The following HSD17B2 variants were observed in gnomAD, a reference collection of about 807,000 sequenced individuals.
HSD17B2 encodes the protein hydroxysteroid 17-beta dehydrogenase 2, also known as 17-beta-hydroxysteroid dehydrogenase type 2.
In HSD17B2, 32 loss-of-function variants were observed where a neutral mutation model predicts 26.9. The ratio of observed to expected loss-of-function variants is 1.19; its 90% CI spans 0.90 to 1.60. The LOEUF is 1.60. HSD17B2 is among the 40% of genes most tolerant of loss of function. The probability of loss-of-function intolerance (pLI) is 0.00; values close to 1 mark genes in which losing one functional copy is unlikely to be tolerated. For synonymous variants in HSD17B2, 246 were observed against 186.7 expected, an observed-to-expected ratio of 1.32 and a Z score of -2.59; for missense variants, 613 against 468.6, an observed-to-expected ratio of 1.31 and a Z score of -2.85.
intron 4 of HSD17B2, chr16:82,094,371 A>G (rs1459434879): frequency 6.6e-6 from 1 of 152,208 alleles, no homozygotes; most frequent in African/African-American, 2.4e-5. Flanking sequence ...CTTTCTATGT[A>G]TACTCCAATC....
At chr16:82,043,592 G>C (rs1031137575) in intron 1 of HSD17B2, among the ~76,000 whole-genome samples, 3 of 135,374 alleles carry the variant, frequency 2.2e-5, no homozygotes, top group Non-Finnish European at 4.5e-5. Context: ...GCTGAGGCAG[G>C]AGAATGGCGT....
At chr16:82,097,999 CA>C (rs1904903435) in intron 4 of HSD17B2, 75 bp from the exon 5 acceptor site, 1 of 1,471,692 alleles carries the variant, frequency 6.8e-7, no homozygotes, top group South Asian at 1.3e-5. Flanking sequence ...CCATCCTTCC[CA>C]ACAGAGACAA....
Position 82,072,216 on chromosome 16 carries a change from G to C in HSD17B2, c.664+1089G>C, listed in dbSNP as rs1056284824. Among the ~76,000 whole-genome samples, 4 of 152,154 alleles carry C rather than the reference G, an allele frequency of 2.6e-5. No homozygotes were observed. In the East Asian group the frequency reaches 5.8e-4, roughly 22 times the overall value. On this transcript the variant is annotated intron_variant, in intron 3 of 4. Transcript: ENST00000199936. ...ATAAACAAAGAAGAAGGTAGGGAGA[G>C]AGAGAGAGAGAGAAAGAGTTGGGGG... is the stretch of plus-strand genomic sequence containing the variant.
intron 3 of HSD17B2, among the ~76,000 whole-genome samples, chr16:82,078,289 C>T (rs1013009807): frequency 2.0e-5 from 3 of 152,126 alleles, no homozygotes; most frequent in African/African-American, 7.2e-5. Flanking sequence ...AAAATGTGCT[C>T]AATATCATTG....
chr16:82,064,354 T>C (rs1914521676), intron 1 of HSD17B2, among the ~76,000 whole-genome samples: 1 of 152,256 alleles, frequency 6.6e-6, no homozygotes, highest in Non-Finnish European at 1.5e-5. Context: ...TTCCTTTCTA[T>C]GGCTTAATAA....
At chr16:82,045,739 G>A (rs1369688292) in intron 1 of HSD17B2, among the ~76,000 whole-genome samples, 1 of 152,236 alleles carries the variant, frequency 6.6e-6, no homozygotes, top group Non-Finnish European at 1.5e-5. Context: ...CTTAATCCCA[G>A]TTTTCACTGA....
chr16:82,062,849 T>G (rs1297699226), intron 1 of HSD17B2, among the ~76,000 whole-genome samples: 1 of 152,188 alleles, frequency 6.6e-6, no homozygotes, highest in Non-Finnish European at 1.5e-5. Flanking sequence ...TATTTTCCCC[T>G]CTCCTCAAGG....
intron 1 of HSD17B2, among the ~76,000 whole-genome samples, chr16:82,050,405 C>T (rs535547373): frequency 1.1e-4 from 16 of 152,150 alleles, no homozygotes; most frequent in African/African-American, 2.4e-4. Context: ...GATATGTCCA[C>T]GGCTCGTCAC....
intron 4 of HSD17B2, chr16:82,095,434 G>T (rs1271863684): frequency 6.5e-6 from 1 of 152,848 alleles, no homozygotes; most frequent in Non-Finnish European, 1.5e-5. Context: ...AGCTAGCAAG[G>T]GCTCATCCCC....
intron 1 of HSD17B2, among the ~76,000 whole-genome samples, chr16:82,062,836 A>G (rs1397095189): frequency 2.0e-5 from 3 of 152,166 alleles, no homozygotes; most frequent in Non-Finnish European, 4.4e-5. Context: ...CGGAGTATAC[A>G]ATTATTTTCC....
chr16:82,058,745 T>C (rs576855972), intron 1 of HSD17B2, among the ~76,000 whole-genome samples: 1 of 152,128 alleles, frequency 6.6e-6, no homozygotes, highest in African/African-American at 2.4e-5. Context: ...GAATATAGAA[T>C]CGAGAAACCC....
At chr16:82,097,250 ATGTCTATGTCTATGTCTATG>A (rs1226735283) in intron 4 of HSD17B2, 1 of 121,390 alleles carries the variant, frequency 8.2e-6, no homozygotes, top group Non-Finnish European at 1.9e-5. Flanking sequence ...GTCTATGTCT[ATGTCTATGTCTATGTCTATG>A]TGTGTGTATG....
chr16:82,089,222 G>A (rs1904614961), intron 3 of HSD17B2, among the ~76,000 whole-genome samples: 1 of 152,178 alleles, frequency 6.6e-6, no homozygotes, highest in African/African-American at 2.4e-5. Context: ...ATACCAAAGA[G>A]TACATACCCT....
intron 1 of HSD17B2, among the ~76,000 whole-genome samples, chr16:82,057,790 G>T (rs1040518030): frequency 6.6e-6 from 1 of 152,070 alleles, no homozygotes; most frequent in Non-Finnish European, 1.5e-5. Flanking sequence ...ATAGAGAGGC[G>T]TTCTACAAAA....
At chr16:82,081,426 C>T (rs998155657) in intron 3 of HSD17B2, among the ~76,000 whole-genome samples, 5 of 152,120 alleles carry the variant, frequency 3.3e-5, no homozygotes, top group African/African-American at 1.2e-4. Flanking sequence ...GATGATTCCT[C>T]CCCAGACTCT....
In HSD17B2 at chr16:82,072,346, G is replaced by A. The variant is rs116922411; in HGVS notation, c.664+1219G>A. Among the ~76,000 whole-genome samples the A allele has an allele frequency of 1.1e-4, 16 of 152,322 alleles. No individual in the cohort carries two copies. The East Asian group carries it at 3.1e-3, about 29-fold the overall frequency. ...TTCCTGCTACCTTGCCAAAGCAAATGAATCCTGAGAAAACACACAGCAATA... is the reference window on the plus strand; with the variant it reads ...TTCCTGCTACCTTGCCAAAGCAAATAAATCCTGAGAAAACACACAGCAATA... On this transcript the variant is annotated intron_variant, in intron 3 of 4. Coordinates refer to ENST00000199936, the MANE Select transcript of HSD17B2 (RefSeq NM_002153.3).
intron 1 of HSD17B2, among the ~76,000 whole-genome samples, chr16:82,055,224 G>A (rs1914230359): frequency 1.3e-5 from 2 of 152,200 alleles, no homozygotes; most frequent in Admixed American, 6.5e-5. Flanking sequence ...CCTCTCTGCT[G>A]TTTGACTGAG....
chr16:82,069,616 G>A (rs1914652136), intron 2 of HSD17B2, among the ~76,000 whole-genome samples: 1 of 152,108 alleles, frequency 6.6e-6, no homozygotes, highest in African/African-American at 2.4e-5. Context: ...TGCTTCTGAG[G>A]GTTGCATCTG....
At chr16:82,057,344 G>A (rs1459298378) in intron 1 of HSD17B2, among the ~76,000 whole-genome samples, 4 of 151,980 alleles carry the variant, frequency 2.6e-5, no homozygotes, top group African/African-American at 4.8e-5. Context: ...GACTACAGGC[G>A]CGCACCAACA....
Sources: allele counts gnomAD v4.1 joint callset (sites outside exome capture counted in the v4.1 genomes callset), GRCh38; gene constraint gnomAD v4.1.1; transcripts MANE v1.5; gene names NCBI Gene and HGNC (gene_info 2026-07-23, HGNC 2026-07-21).